Variants in TPO observed in about 807,000 individuals in gnomAD.
TPO encodes thyroid microsomal antigen.
Under a neutral mutation model 96.9 loss-of-function variants are expected in TPO, and 78 were observed. The observed-to-expected ratio is 0.81, with a 90% CI of 0.67 to 0.97. The LOEUF is 0.97. Among genes scored for constraint, TPO ranks in the 50% least tolerant of loss-of-function variants. The pLI, the probability that TPO is intolerant of heterozygous loss-of-function variation, is 0.00. For synonymous variants in TPO, 547 were observed against 538.0 expected (o/e 1.02, Z -0.23); for missense variants, 1,252 against 1,274.8 (o/e 0.98, Z 0.27).
rs28910591 is a variant in TPO, at chr2:1,476,113, G to C, written c.820-973G>C. 9.8e-3 allele frequency among the ~76,000 whole-genome samples: 1,496 copies of C among 152,338 alleles called. 37 individuals are homozygous for C. The highest frequency in any genetic ancestry group is 0.034 in the African/African-American group (1,410 of 41,578). ...TTCCTTCCTACTCCTCAGTGCCCAG[G>C]CTGCACTTTGCCCCGAGAGGAGCTT... On this transcript the variant is annotated intron_variant, in intron 7 of 16. Coordinates refer to ENST00000329066, the MANE Select transcript of TPO (RefSeq NM_001206744.2).
At chr2:1,517,136 TAG>T (rs1232799721) in intron 15 of TPO, among the ~76,000 whole-genome samples, 154 bp downstream of exon 15, 2 of 152,216 alleles carry the variant, frequency 1.3e-5, no homozygotes, top group Non-Finnish European at 2.9e-5. Context: ...TACAACGTAA[TAG>T]ACTCTCCGGA....
intron 15 of TPO, among the ~76,000 whole-genome samples, chr2:1,525,611 ACT>A (rs1389993702): frequency 1.4e-5 from 1 of 70,958 alleles, no homozygotes; most frequent in Non-Finnish European, 2.6e-5. Context: ...AAATCCCCCC[ACT>A]GTGTGCAACC....
chr2:1,421,020 G>A (rs1663455324), intron 2 of TPO, among the ~76,000 whole-genome samples: 2 of 151,950 alleles, frequency 1.3e-5, no homozygotes, highest in South Asian at 2.1e-4. Context: ...AGTGGAAAAC[G>A]GGCGTTTGGG....
chr2:1,411,184 A>T (rs555163405), upstream of TPO, among the ~76,000 whole-genome samples: 2 of 152,270 alleles, frequency 1.3e-5, no homozygotes, highest in East Asian at 3.9e-4. Context: ...AACAGCTTCC[A>T]TTGTACTTGA....
At position 1,493,790 on chromosome 2, in the gene TPO, TC is replaced by T; in HGVS notation, c.1769-8del. 6.2e-7 allele frequency: 1 copy of T among 1,613,646 alleles called. No individual in the cohort carries two copies. The highest frequency in any genetic ancestry group is 2.2e-5 in the East Asian group (1 of 44,866). ...TCTGTGAGAGAAACCCTGCAGCCTC[TC>T]CCCTGTGCAGGTTACAATGAGTGGA... On this transcript the variant is annotated splice_polypyrimidine_tract_variant and intron_variant, in intron 10 of 16. Coordinates refer to ENST00000329066, the MANE Select transcript of TPO (RefSeq NM_001206744.2).
intron 16 of TPO, 168 bp from the exon 17 acceptor site, chr2:1,542,253 G>A (rs1680850670): frequency 1.1e-6 from 1 of 925,144 alleles, no homozygotes; most frequent in South Asian, 1.5e-5. Flanking sequence ...TTGTCCGGAA[G>A]CCAGAAACTT....
chr2:1,387,053 G>A (rs1431350726), intron 1 of TPO, among the ~76,000 whole-genome samples: 3 of 152,122 alleles, frequency 2.0e-5, no homozygotes, highest in Non-Finnish European at 2.9e-5. Context: ...ACTCTCTTCT[G>A]GCTTGTAGAG....
At chr2:1,382,168 C>T (rs576461312) in intron 1 of TPO, among the ~76,000 whole-genome samples, 3 of 152,292 alleles carry the variant, frequency 2.0e-5, no homozygotes, top group East Asian at 1.9e-4. Flanking sequence ...ACGTAGAACC[C>T]GGGAGCGTTT....
chr2:1,401,786 G>T (rs1374035191), intron 1 of TPO, among the ~76,000 whole-genome samples: 1 of 152,158 alleles, frequency 6.6e-6, no homozygotes, highest in Non-Finnish European at 1.5e-5. Context: ...GGAAACTCTA[G>T]CCTGCAAAGC....
chr2:1,469,149 C>G (rs902375035), intron 7 of TPO, among the ~76,000 whole-genome samples: 4 of 152,192 alleles, frequency 2.6e-5, no homozygotes, highest in Admixed American at 2.6e-4. Flanking sequence ...TGGGCTTTGC[C>G]TTTCTCTGGT....
rs936461431 is a variant in TPO, at chr2:1,494,019, G to A, written c.1986G>A (p.Lys662=). The A allele has an allele frequency of 6.2e-7, 1 of 1,614,140 alleles. No homozygotes were observed. The highest frequency in any genetic ancestry group is 1.1e-5 in the South Asian group (1 of 91,088). The change falls in exon 11 of 17, where the codon AAG becomes AAA. Residue 662 remains lysine, a synonymous_variant. Coordinates refer to ENST00000329066, the MANE Select transcript of TPO (RefSeq NM_001206744.2). ...CCTGTCTCATTGGGAAGCAGATGAA[G>A]GCTCTGCGGGACGGTGACTGGTACG... The part of the protein sequence containing the change: ...LFACLIGKQM[K]ALRDGDWFWW...
At chr2:1,495,190 C>T (rs1451388747) in intron 11 of TPO, among the ~76,000 whole-genome samples, 1 of 152,212 alleles carries the variant, frequency 6.6e-6, no homozygotes, top group Non-Finnish European at 1.5e-5. Context: ...GACCACATAT[C>T]TCCCCAATGC....
chr2:1,386,689 T>C (rs1436467949), intron 1 of TPO, among the ~76,000 whole-genome samples: 3 of 152,210 alleles, frequency 2.0e-5, no homozygotes, highest in African/African-American at 7.2e-5. Flanking sequence ...TGTCTTTTAA[T>C]TGGAGCATTT....
At chr2:1,480,849 A>ACGTCCC (rs1491437363) in intron 8 of TPO, among the ~76,000 whole-genome samples, 4 of 151,236 alleles carry the variant, frequency 2.6e-5, no homozygotes, top group South Asian at 2.1e-4. Flanking sequence ...TGTCCTCACC[A>ACGTCCC]TACCCACTCT....
At chr2:1,464,475 G>C (rs976383127) in intron 7 of TPO, among the ~76,000 whole-genome samples, 4 of 152,288 alleles carry the variant, frequency 2.6e-5, no homozygotes, top group South Asian at 2.1e-4. Context: ...AATCTCCACG[G>C]TGTTTTTCCA....
chr2:1,540,238 C>G (rs1192498142), intron 15 of TPO, among the ~76,000 whole-genome samples: 1 of 152,116 alleles, frequency 6.6e-6, no homozygotes, highest in African/African-American at 2.4e-5. Context: ...CCAGGAAAAG[C>G]CTAACGTTGT....
rs1680899786 is a variant in TPO at position 1,542,737 on chromosome 2, A to C, written c.*263A>C. 7.9e-6 allele frequency: 8 copies of C among 1,018,478 alleles called. No homozygotes were observed. The highest frequency in any genetic ancestry group is 1.1e-5 in the Non-Finnish European group (8 of 711,738). 63.1% of individuals were successfully genotyped at this position (1,018,478 alleles called of 1,614,324 possible). A position where few individuals can be genotyped will look rare whatever the true frequency, so the allele number is the denominator to read the frequency against. ...ATGTATTTACAGATTACACATCTTT[A>C]TTTTGTGAACCCTGGAAACACCACT... On this transcript the variant is annotated 3_prime_UTR_variant, in exon 17 of 17. Coordinates refer to ENST00000329066, the MANE Select transcript of TPO (RefSeq NM_001206744.2).
chr2:1,477,360 C>T lies in TPO; in HGVS notation c.1094C>T (p.Pro365Leu). 6.5e-7 allele frequency: 1 copy of T among 1,541,826 alleles called. No homozygotes were observed. The highest frequency in any genetic ancestry group is 1.2e-5 in the South Asian group (1 of 84,004). Residue 365 changes from proline to leucine, a missense_variant, in exon 8 of 17, where the codon CCC becomes CTC. Physicochemically the swap from Pro to Leu is moderately conservative, Grantham distance 98. Coordinates refer to ENST00000329066, the MANE Select transcript of TPO (RefSeq NM_001206744.2). ...CGGGACTCCGGCCGCGCCTACCTGCCCTTCGTGCCGCCACGCGCGCCTGCG... is the reference window on the plus strand; with the variant it reads ...CGGGACTCCGGCCGCGCCTACCTGCTCTTCGTGCCGCCACGCGCGCCTGCG... Reference protein sequence around the residue: ...RLRDSGRAYLPFVPPRAPAAC... With the variant: ...RLRDSGRAYLLFVPPRAPAAC...
At chr2:1,482,009 C>T (rs904748790) in intron 8 of TPO, among the ~76,000 whole-genome samples, 4 of 152,188 alleles carry the variant, frequency 2.6e-5, no homozygotes, top group Non-Finnish European at 5.9e-5. Flanking sequence ...GCCTGCTCAG[C>T]CTCCTCCCTG....
Sources: gnomAD v4.1 joint callset for allele counts (sites outside exome capture counted in the v4.1 genomes callset) on GRCh38, gnomAD v4.1.1 for gene constraint, MANE v1.5 for transcripts, NCBI Gene and HGNC (gene_info 2026-07-23, HGNC 2026-07-21) for gene names.